LRRTM4: variants seen among roughly 807,000 people sequenced by gnomAD.
LRRTM4 encodes the protein leucine rich repeat transmembrane neuronal 4.
A neutral mutation model predicts 47.6 loss-of-function variants in LRRTM4; 25 were observed. That is an observed-to-expected ratio of 0.53 (90% CI 0.38 to 0.73). LRRTM4 has a LOEUF of 0.73. Ranked by LOEUF, LRRTM4 falls within the 30% of genes least tolerant of loss-of-function variation. LRRTM4 has a pLI of 0.00. For synonymous variants in LRRTM4, 311 were observed against 269.5 expected, an observed-to-expected ratio of 1.15 and a Z score of -1.51; for missense variants, 638 against 713.4, an observed-to-expected ratio of 0.89 and a Z score of 1.20.
chr2:76,780,683 A>T (rs954377371), intron 3 of LRRTM4, among the ~76,000 whole-genome samples: 6 of 152,046 alleles, frequency 3.9e-5, no homozygotes, highest in African/African-American at 1.5e-4. Flanking sequence ...AAAGTTTTCA[A>T]CTTCTTTGCC....
At chr2:76,754,411 A>T (rs542741837) in intron 3 of LRRTM4, among the ~76,000 whole-genome samples, 2 of 152,312 alleles carry the variant, frequency 1.3e-5, no homozygotes, top group East Asian at 3.9e-4. Context: ...ATAGAATACA[A>T]GAAAGGATAT....
intron 3 of LRRTM4, among the ~76,000 whole-genome samples, chr2:77,515,462 A>C (rs1167846344): frequency 1.3e-5 from 2 of 151,874 alleles, no homozygotes; most frequent in Non-Finnish European, 2.9e-5. Context: ...ACTGAATATA[A>C]AGTTAGGTGG....
At chr2:77,089,564 G>A (rs1467875332) in intron 3 of LRRTM4, among the ~76,000 whole-genome samples, 1 of 151,776 alleles carries the variant, frequency 6.6e-6, no homozygotes, top group African/African-American at 2.4e-5. Context: ...TTTCTGGAAG[G>A]TAAGAACCCC....
At chr2:76,941,256 G>C (rs1675133139) in intron 3 of LRRTM4, among the ~76,000 whole-genome samples, 1 of 152,136 alleles carries the variant, frequency 6.6e-6, no homozygotes. Context: ...TATATATTGA[G>C]TCATATTTGA....
At chr2:77,334,709 G>T (rs1671098470) in intron 3 of LRRTM4, among the ~76,000 whole-genome samples, 1 of 152,094 alleles carries the variant, frequency 6.6e-6, no homozygotes, top group Non-Finnish European at 1.5e-5. Flanking sequence ...TACAAATACA[G>T]TTAGATTTCT....
chr2:76,969,827 A>G (rs1676158346), intron 3 of LRRTM4, among the ~76,000 whole-genome samples: 1 of 151,956 alleles, frequency 6.6e-6, no homozygotes, highest in Non-Finnish European at 1.5e-5. Context: ...TGGCAATGCT[A>G]TCTCCATTTT....
chr2:76,838,546 G>T (rs1320360545), intron 3 of LRRTM4, among the ~76,000 whole-genome samples: 1 of 151,938 alleles, frequency 6.6e-6, no homozygotes, highest in Non-Finnish European at 1.5e-5. Flanking sequence ...TTTACATTTG[G>T]AATTCATTTT....
intron 3 of LRRTM4, among the ~76,000 whole-genome samples, chr2:76,886,721 GA>G (rs919812372): frequency 5.9e-5 from 9 of 151,784 alleles, no homozygotes; most frequent in African/African-American, 2.2e-4. Context: ...CGAAGTGGCT[GA>G]AAAAAATTAA....
intron 3 of LRRTM4, among the ~76,000 whole-genome samples, chr2:76,759,901 ATTTTC>A (rs1195223276): frequency 6.6e-6 from 1 of 151,766 alleles, no homozygotes; most frequent in Non-Finnish European, 1.5e-5. Context: ...TTCCTTGTTT[ATTTTC>A]TTCATAGCAT....
chr2:77,337,472 T>G (rs1671207779), intron 3 of LRRTM4, among the ~76,000 whole-genome samples: 1 of 152,066 alleles, frequency 6.6e-6, no homozygotes, highest in Non-Finnish European at 1.5e-5. Flanking sequence ...AATCTCCACA[T>G]GTTGAGGAAG....
At chr2:77,428,996 A>G (rs1260619302) in intron 3 of LRRTM4, among the ~76,000 whole-genome samples, 1 of 152,246 alleles carries the variant, frequency 6.6e-6, no homozygotes, top group East Asian at 1.9e-4. Context: ...TGGGTAGGAA[A>G]GTTTAACAAT....
intron 3 of LRRTM4, among the ~76,000 whole-genome samples, chr2:77,493,038 T>G (rs995291428): frequency 6.6e-6 from 1 of 152,038 alleles, no homozygotes; most frequent in East Asian, 1.9e-4. Context: ...AACCTCATAG[T>G]AATAAATAAA....
chr2:77,342,461 C>T (rs1671407039), intron 3 of LRRTM4, among the ~76,000 whole-genome samples: 1 of 151,884 alleles, frequency 6.6e-6, no homozygotes, highest in Non-Finnish European at 1.5e-5. Context: ...AGAAGCCCTA[C>T]TGTAGTGTAA....
At chr2:77,049,125 T>TATATATATATACATATATATAC (rs1413442175) in intron 3 of LRRTM4, among the ~76,000 whole-genome samples, 1 of 72,568 alleles carries the variant, frequency 1.4e-5, no homozygotes, top group African/African-American at 6.1e-5. Flanking sequence ...TCATTTTTTA[T>TATATATATATACATATATATAC]ATATATATAT....
intron 3 of LRRTM4, among the ~76,000 whole-genome samples, chr2:77,369,530 A>G (rs771545251): frequency 6.6e-6 from 1 of 151,838 alleles, no homozygotes; most frequent in Non-Finnish European, 1.5e-5. Flanking sequence ...CTAAATAAGT[A>G]GATGATAGCT....
rs189490012 is a variant in LRRTM4 at position 77,117,114 on chromosome 2, C to A, written c.1552-368198G>T. On this transcript the variant is annotated intron_variant, in intron 3 of 3. Coordinates refer to ENST00000409884, the MANE Select transcript of LRRTM4 (RefSeq NM_001134745.3). ...ATAGTTATGAAGTTTATCCATTTTA[C>A]AGCATGTTTTCATAAGTTTATTCCT... 5.2e-3 allele frequency among the ~76,000 whole-genome samples: 795 copies of A among 152,160 alleles called. 3 individuals carry two copies. Among genetic ancestry groups the A allele is most frequent in the Non-Finnish European group, 8.7e-3 (591 of 67,930 alleles).
At chr2:76,888,502 A>G (rs994426890) in intron 3 of LRRTM4, among the ~76,000 whole-genome samples, 4 of 151,722 alleles carry the variant, frequency 2.6e-5, no homozygotes, top group African/African-American at 9.7e-5. Context: ...TTAAAATACA[A>G]TATGTATACA....
chr2:77,327,804 C>A (rs984603897), intron 3 of LRRTM4, among the ~76,000 whole-genome samples: 4 of 150,104 alleles, frequency 2.7e-5, no homozygotes, highest in Non-Finnish European at 4.4e-5. Flanking sequence ...GTAAGTATGA[C>A]TTAGAAAAAA....
intron 3 of LRRTM4, among the ~76,000 whole-genome samples, chr2:76,897,060 T>G (rs1673440742): frequency 6.6e-6 from 1 of 152,002 alleles, no homozygotes; most frequent in African/African-American, 2.4e-5. Flanking sequence ...GTAGCTTATT[T>G]AAATTTCAGA....
Sources: gnomAD v4.1 joint callset for allele counts (sites outside exome capture counted in the v4.1 genomes callset) on GRCh38, gnomAD v4.1.1 for gene constraint, MANE v1.5 for transcripts, NCBI Gene and HGNC (gene_info 2026-07-23, HGNC 2026-07-21) for gene names.